The following CNTNAP2 variants were observed in gnomAD, a reference collection of about 807,000 sequenced individuals.
The protein encoded by CNTNAP2 is contactin-associated protein-like 2.
CNTNAP2 carries 98 observed loss-of-function variants against 155.2 expected under a neutral mutation model. That is an observed-to-expected ratio of 0.63 (90% confidence interval 0.54 to 0.75). The LOEUF is 0.75. Ranked by LOEUF, CNTNAP2 falls within the 30% of genes least tolerant of loss-of-function variation. The pLI is 0.00. For missense variants in CNTNAP2, 1,727 were observed against 1,688.1 expected (o/e 1.02, Z -0.40); for synonymous variants, 651 against 631.2 (o/e 1.03, Z -0.47).
At chr7:146,551,838 T>C (rs1259870402) in intron 1 of CNTNAP2, among the ~76,000 whole-genome samples, 1 of 152,082 alleles carries the variant, frequency 6.6e-6, no homozygotes, top group East Asian at 1.9e-4. Flanking sequence ...TTCCCTCTTT[T>C]CCTTCTCCTT....
At chr7:146,959,777 T>C (rs1391101730) in intron 3 of CNTNAP2, among the ~76,000 whole-genome samples, 1 of 150,522 alleles carries the variant, frequency 6.6e-6, no homozygotes, top group African/African-American at 2.4e-5. Context: ...TCCAGGCTGA[T>C]TGTAAAATAG....
chr7:147,789,548 G>C (rs530064569), intron 13 of CNTNAP2, among the ~76,000 whole-genome samples: 5 of 152,064 alleles, frequency 3.3e-5, no homozygotes, highest in African/African-American at 9.7e-5. Context: ...TCTTACCTTT[G>C]CCCCTTGTGA....
Position 146,759,172 on chromosome 7 carries a change from T to G in CNTNAP2, c.98-15099T>G, listed in dbSNP as rs866701313. On this transcript the variant is annotated intron_variant, in intron 1 of 23. Coordinates refer to ENST00000361727, the MANE Select transcript of CNTNAP2 (RefSeq NM_014141.6). ...TACTATATGTCAAGGCAAGCAACTT[T>G]CTTTGGAATATAATATATCCTAGAA... Among the ~76,000 whole-genome samples, 6 of 152,184 alleles carry G rather than the reference T, an allele frequency of 3.9e-5. No individual in the cohort carries two copies. The South Asian group carries it at 1.2e-3, about 32-fold the overall frequency.
At chr7:146,498,967 A>G (rs896493304) in intron 1 of CNTNAP2, among the ~76,000 whole-genome samples, 9 of 152,210 alleles carry the variant, frequency 5.9e-5, no homozygotes, top group Admixed American at 4.6e-4. Context: ...AAAAGTACAC[A>G]TAGCATTGAA....
At chr7:147,446,754 G>T (rs940688183) in intron 10 of CNTNAP2, among the ~76,000 whole-genome samples, 3 of 152,168 alleles carry the variant, frequency 2.0e-5, no homozygotes, top group African/African-American at 7.2e-5. Flanking sequence ...TACAAAATCA[G>T]CTATGGGCAA....
At chr7:146,464,123 A>G (rs901511671) in intron 1 of CNTNAP2, among the ~76,000 whole-genome samples, 1 of 150,894 alleles carries the variant, frequency 6.6e-6, no homozygotes, top group African/African-American at 2.4e-5. Flanking sequence ...CACAAAAAAC[A>G]GTTCGTTAAT....
chr7:146,536,001 C>T (rs1234970719), intron 1 of CNTNAP2, among the ~76,000 whole-genome samples: 1 of 152,096 alleles, frequency 6.6e-6, no homozygotes, highest in Non-Finnish European at 1.5e-5. Context: ...TCAGGAACTT[C>T]AGCAAGGTAA....
chr7:146,117,554 A>G (rs1045282850), intron 1 of CNTNAP2, among the ~76,000 whole-genome samples: 2 of 152,310 alleles, frequency 1.3e-5, no homozygotes, highest in African/African-American at 4.8e-5. Context: ...ATACTTTGAT[A>G]TCATGGATAT....
intron 1 of CNTNAP2, among the ~76,000 whole-genome samples, chr7:146,551,680 T>C (rs370264770): frequency 2.2e-3 from 338 of 152,252 alleles, no homozygotes; most frequent in African/African-American, 7.6e-3. Context: ...TCTTGTTATA[T>C]AAGTAGTGTT....
chr7:147,561,531 T>A (rs1317587563), intron 11 of CNTNAP2, among the ~76,000 whole-genome samples: 3 of 152,076 alleles, frequency 2.0e-5, no homozygotes, highest in African/African-American at 7.2e-5. Flanking sequence ...ATTACATGAA[T>A]GTCAGCCGTC....
chr7:148,342,092 C>T (rs1038938558), intron 21 of CNTNAP2, among the ~76,000 whole-genome samples: 4 of 152,198 alleles, frequency 2.6e-5, no homozygotes, highest in South Asian at 2.1e-4. Flanking sequence ...GAGCTATTTA[C>T]GTGTTGAGAA....
At chr7:148,216,517 T>C (rs984194225) in intron 18 of CNTNAP2, among the ~76,000 whole-genome samples, 6 of 152,160 alleles carry the variant, frequency 3.9e-5, no homozygotes, top group Admixed American at 2.6e-4. Flanking sequence ...TCCAAGCAAA[T>C]TCAGTCTCAA....
intron 8 of CNTNAP2, among the ~76,000 whole-genome samples, chr7:147,250,097 A>G (rs1804162108): frequency 6.6e-6 from 1 of 152,152 alleles, no homozygotes; most frequent in Non-Finnish European, 1.5e-5. Context: ...GATTGCGTGG[A>G]TCTGAATGGG....
intron 14 of CNTNAP2, among the ~76,000 whole-genome samples, chr7:147,969,966 G>C (rs1801305104): frequency 6.6e-6 from 1 of 151,448 alleles, no homozygotes; most frequent in Non-Finnish European, 1.5e-5. Context: ...ACAGGGTTCT[G>C]TCACCCAGGC....
chr7:147,571,003 T>C (rs1800277356), intron 12 of CNTNAP2, among the ~76,000 whole-genome samples: 1 of 152,208 alleles, frequency 6.6e-6, no homozygotes, highest in South Asian at 2.1e-4. Flanking sequence ...ATTTTTGTTA[T>C]AAACAATTTA....
chr7:148,032,407 G>C (rs12532338), intron 15 of CNTNAP2, among the ~76,000 whole-genome samples: 49,829 of 151,982 alleles, frequency 0.33, 9,721 homozygotes, highest in East Asian at 0.77. Context: ...TGGTTGGTGA[G>C]TACAAGGGCA....
intron 3 of CNTNAP2, among the ~76,000 whole-genome samples, chr7:146,931,045 A>G (rs1375056379): frequency 2.0e-5 from 3 of 152,102 alleles, no homozygotes; most frequent in Non-Finnish European, 4.4e-5. Flanking sequence ...AAAGTTAACA[A>G]GGATACCCAG....
intron 1 of CNTNAP2, among the ~76,000 whole-genome samples, chr7:146,726,805 A>G (rs1006634081): frequency 9.9e-5 from 15 of 152,274 alleles, no homozygotes; most frequent in Admixed American, 2.6e-4. Context: ...CCTAATAATA[A>G]TGCCATTGTC....
intron 1 of CNTNAP2, among the ~76,000 whole-genome samples, chr7:146,153,394 AT>A (rs1463233266): frequency 3.9e-5 from 6 of 152,138 alleles, no homozygotes; most frequent in African/African-American, 1.4e-4. Context: ...AAATTTCTAT[AT>A]GAAACATCCA....
Sources: gnomAD v4.1 joint callset for allele counts (sites outside exome capture counted in the v4.1 genomes callset) on GRCh38, gnomAD v4.1.1 for gene constraint, MANE v1.5 for transcripts, NCBI Gene and HGNC (gene_info 2026-07-23, HGNC 2026-07-21) for gene names.